HIP1: variants seen among roughly 807,000 people sequenced by gnomAD.
HIP1 encodes the protein huntingtin-interacting protein 1.
A neutral mutation model predicts 147.6 loss-of-function variants in HIP1; 65 were observed. The observed-to-expected ratio is 0.44, with a 90% CI of 0.36 to 0.54. HIP1 has a LOEUF of 0.54. Ranked by LOEUF, HIP1 falls within the 20% of genes least tolerant of loss-of-function variation. HIP1 has a pLI of 0.00. For missense variants in HIP1, 1,061 were observed against 1,299.6 expected (o/e 0.82, Z 2.82); for synonymous variants, 479 against 504.0 (o/e 0.95, Z 0.67).
intron 4 of HIP1, among the ~76,000 whole-genome samples, chr7:75,590,248 A>G (rs781864646): frequency 2.0e-5 from 3 of 152,232 alleles, no homozygotes; most frequent in Non-Finnish European, 4.4e-5. Flanking sequence ...GCTAACAGAT[A>G]AATTGAGGGA....
At chr7:75,645,016 T>G (rs140280482) in intron 1 of HIP1, among the ~76,000 whole-genome samples, 49 of 152,228 alleles carry the variant, frequency 3.2e-4, no homozygotes, top group African/African-American at 1.1e-3. Flanking sequence ...CACAAATTCC[T>G]AGACCTAGGG....
intron 4 of HIP1, among the ~76,000 whole-genome samples, chr7:75,591,530 AT>A (rs1584847148): frequency 1.3e-5 from 2 of 152,220 alleles, no homozygotes; most frequent in East Asian, 3.9e-4. Context: ...AGAATTGGGT[AT>A]GCTAATTCTA....
At chr7:75,680,553 T>C (rs1554516709) in intron 1 of HIP1, among the ~76,000 whole-genome samples, 1 of 152,146 alleles carries the variant, frequency 6.6e-6, no homozygotes, top group Non-Finnish European at 1.5e-5. Flanking sequence ...AATCATAACA[T>C]TCATCTGCTT....
intron 1 of HIP1, among the ~76,000 whole-genome samples, chr7:75,657,526 C>CAAA (rs201991075): frequency 3.0e-5 from 2 of 66,668 alleles, no homozygotes; most frequent in African/African-American, 1.1e-4. Flanking sequence ...GACTTTGTCT[C>CAAA]AAAAAAAAAA....
chr7:75,664,424 G>A (rs1462886230), intron 1 of HIP1, among the ~76,000 whole-genome samples: 1 of 139,264 alleles, frequency 7.2e-6, no homozygotes, highest in Admixed American at 7.3e-5. Flanking sequence ...ACATATGTGT[G>A]TGTATACATA....
intron 1 of HIP1, chr7:75,639,126 T>G: frequency 1.0e-6 from 1 of 983,320 alleles, no homozygotes; most frequent in South Asian, 4.7e-5. Flanking sequence ...CCAAAGCTGC[T>G]CCCGGCTAAT....
chr7:75,704,519 C>T (rs531470618), intron 1 of HIP1, among the ~76,000 whole-genome samples: 1 of 152,094 alleles, frequency 6.6e-6, no homozygotes, highest in Non-Finnish European at 1.5e-5. Context: ...GCTGGGATTA[C>T]AGGCATGAGC....
chr7:75,729,065 T>C (rs1801744938), intron 1 of HIP1, among the ~76,000 whole-genome samples: 1 of 144,816 alleles, frequency 6.9e-6, no homozygotes, highest in Non-Finnish European at 1.5e-5. Flanking sequence ...GCATGTACCA[T>C]CTGAACTTAA....
intron 1 of HIP1, among the ~76,000 whole-genome samples, chr7:75,628,380 T>C (rs1228114468): frequency 6.6e-6 from 1 of 152,176 alleles, no homozygotes; most frequent in Non-Finnish European, 1.5e-5. Context: ...CCTCTGAATG[T>C]CTATAGAACT....
intron 1 of HIP1, among the ~76,000 whole-genome samples, chr7:75,604,455 C>G (rs1384935136): frequency 1.3e-5 from 2 of 152,134 alleles, no homozygotes; most frequent in African/African-American, 4.8e-5. Flanking sequence ...GGGAAGATCA[C>G]TTCAGGACAG....
chr7:75,681,646 A>G (rs1800075134), intron 1 of HIP1, among the ~76,000 whole-genome samples: 1 of 151,884 alleles, frequency 6.6e-6, no homozygotes, highest in South Asian at 2.1e-4. Context: ...AGCTGGGACT[A>G]TGGGTGCATA....
chr7:75,676,359 C>T (rs765946676), intron 1 of HIP1, among the ~76,000 whole-genome samples: 2 of 152,220 alleles, frequency 1.3e-5, no homozygotes, highest in Non-Finnish European at 2.9e-5. Context: ...ACGTTCTGCT[C>T]GCACAGAGCC....
At chr7:75,638,544 GTC>G (rs2117152201) in intron 1 of HIP1, among the ~76,000 whole-genome samples, 1 of 152,242 alleles carries the variant, frequency 6.6e-6, no homozygotes, top group South Asian at 2.1e-4. Flanking sequence ...AACCTTCCCC[GTC>G]TCTGCCAAGG....
rs556886136 is a variant in HIP1, at chr7:75,700,855, G to A, written c.120+37946C>T. Among the ~76,000 whole-genome samples the A allele has an allele frequency of 9.9e-4, 150 of 151,972 alleles. 1 individual carries two copies. Among genetic ancestry groups the A allele is most frequent in the African/African-American group, 3.5e-3 (145 of 41,474 alleles). Reference sequence around the variant, plus strand: ...TGAGTAGCTGGGACTACAGGCACCCGCCACCACACCCGGCTAATTTTTTGT... The same window carrying A: ...TGAGTAGCTGGGACTACAGGCACCCACCACCACACCCGGCTAATTTTTTGT... On this transcript the variant is annotated intron_variant, in intron 1 of 30. Coordinates refer to ENST00000336926, the MANE Select transcript of HIP1 (RefSeq NM_005338.7).
intron 1 of HIP1, among the ~76,000 whole-genome samples, chr7:75,664,460 GT>G (rs1799486721): frequency 3.4e-5 from 1 of 29,254 alleles, no homozygotes; most frequent in Non-Finnish European, 6.4e-5. Context: ...ACATACATAT[GT>G]GTGTGTGTAT....
chr7:75,594,513 C>T (rs1224491378), intron 2 of HIP1, among the ~76,000 whole-genome samples: 2 of 152,156 alleles, frequency 1.3e-5, no homozygotes, highest in African/African-American at 2.4e-5. Context: ...TGGTGGCTCA[C>T]GGCTGTAATC....
At chr7:75,704,176 CAAAT>C (rs1563303551) in intron 1 of HIP1, among the ~76,000 whole-genome samples, 1 of 152,214 alleles carries the variant, frequency 6.6e-6, no homozygotes, top group Non-Finnish European at 1.5e-5. Context: ...AATGACAAAA[CAAAT>C]AGTCTTACAC....
intron 8 of HIP1, among the ~76,000 whole-genome samples, chr7:75,572,300 A>G (rs1795670844): frequency 6.6e-6 from 1 of 151,938 alleles, no homozygotes; most frequent in Non-Finnish European, 1.5e-5. Flanking sequence ...TGCTAAGGGC[A>G]CCCCAGGGAA....
At position 75,714,522 on chromosome 7, in the gene HIP1, G is replaced by A. The variant is rs1801258253; in HGVS notation, c.120+24279C>T. ...GGCTGGAGTGCAGTGGCACAATCTC[G>A]GCTCACTGCAACCACTGCCTCCCGG... On this transcript the variant is annotated intron_variant, in intron 1 of 30. Transcript: ENST00000336926. Among the ~76,000 whole-genome samples, 5 of 148,742 alleles carry A rather than the reference G, an allele frequency of 3.4e-5. 1 individual carries two copies. In the South Asian group the frequency reaches 8.5e-4, roughly 25 times the overall value.
Sources: gnomAD v4.1 joint callset for allele counts (sites outside exome capture counted in the v4.1 genomes callset) on GRCh38, gnomAD v4.1.1 for gene constraint, MANE v1.5 for transcripts, NCBI Gene and HGNC (gene_info 2026-07-23, HGNC 2026-07-21) for gene names.